The following FMN2 variants were observed in gnomAD, a reference collection of about 807,000 sequenced individuals.
FMN2 encodes formin-2.
A neutral mutation model predicts 142.3 loss-of-function variants in FMN2; 51 were observed. The observed-to-expected ratio is 0.36, with a 90% CI of 0.29 to 0.45. The LOEUF (loss-of-function observed/expected upper bound fraction) is 0.45, where lower values mean the gene tolerates loss of function less well. Among genes scored for constraint, FMN2 ranks in the 20% least tolerant of loss-of-function variants. FMN2 has a pLI of 1.00. For synonymous variants in FMN2, 882 were observed against 869.8 expected (o/e 1.01, Z -0.25); for missense variants, 1,936 against 2,122.8 (o/e 0.91, Z 1.73).
intron 2 of FMN2, among the ~76,000 whole-genome samples, chr1:240,175,769 T>A (rs906339436): frequency 6.6e-6 from 1 of 152,206 alleles, no homozygotes; most frequent in Non-Finnish European, 1.5e-5. Flanking sequence ...GGTGATTTCA[T>A]TGTGGTTTTG....
chr1:240,429,867 C>CT (rs1277767742), intron 15 of FMN2, among the ~76,000 whole-genome samples: 15 of 148,932 alleles, frequency 1.0e-4, no homozygotes, highest in African/African-American at 3.3e-4. Flanking sequence ...GTGAACATTC[C>CT]TTTTTTGTTT....
At chr1:240,399,505 C>T (rs919631990) in intron 15 of FMN2, among the ~76,000 whole-genome samples, 11 of 152,072 alleles carry the variant, frequency 7.2e-5, no homozygotes, top group Non-Finnish European at 1.3e-4. Flanking sequence ...TTATGGGAGC[C>T]GCTGCAGGAG....
intron 6 of FMN2, among the ~76,000 whole-genome samples, chr1:240,240,307 G>A (rs755921806): frequency 4.6e-5 from 7 of 152,128 alleles, no homozygotes; most frequent in African/African-American, 7.2e-5. Context: ...AATGTGGACC[G>A]TAGTGGTACC....
At chr1:240,325,163 G>A (rs1336447855) in intron 8 of FMN2, among the ~76,000 whole-genome samples, 4 of 151,974 alleles carry the variant, frequency 2.6e-5, no homozygotes, top group Non-Finnish European at 5.9e-5. Flanking sequence ...TTTGAGACCA[G>A]CCTGGGCAAC....
chr1:240,176,018 T>A (rs2103319840), intron 2 of FMN2, among the ~76,000 whole-genome samples: 1 of 152,274 alleles, frequency 6.6e-6, no homozygotes, highest in Admixed American at 6.5e-5. Flanking sequence ...TCACTCTGAT[T>A]GTGTCCTTTG....
At chr1:240,143,604 T>C in intron 2 of FMN2, 3 of 1,609,480 alleles carry the variant, frequency 1.9e-6, no homozygotes, top group Non-Finnish European at 2.6e-6. Flanking sequence ...CATCTACCAG[T>C]GTGTTGGCAA....
chr1:240,395,685 G>A (rs1328714906), intron 15 of FMN2, among the ~76,000 whole-genome samples: 1 of 152,186 alleles, frequency 6.6e-6, no homozygotes, highest in Non-Finnish European at 1.5e-5. Context: ...CTGAAGATGT[G>A]ACTGAGTTGC....
intron 16 of FMN2, among the ~76,000 whole-genome samples, chr1:240,447,019 C>A (rs1358860464): frequency 1.3e-5 from 2 of 152,150 alleles, no homozygotes; most frequent in Non-Finnish European, 2.9e-5. Context: ...AAAGACTATT[C>A]CTGAGAGATG....
Position 240,151,936 on chromosome 1 carries a change from T to C in FMN2, c.1783-25985T>C, listed in dbSNP as rs118175260. On this transcript the variant is annotated intron_variant, in intron 2 of 17. Coordinates refer to ENST00000319653, the MANE Select transcript of FMN2 (RefSeq NM_020066.5). Reference sequence around the variant, plus strand: ...TGTGCACCACCTAGCCAATCTAATTTTTTTTCTTTAAATAGAGATGGGGTT... The same window carrying C: ...TGTGCACCACCTAGCCAATCTAATTCTTTTTCTTTAAATAGAGATGGGGTT... Among the ~76,000 whole-genome samples, 108 of 152,140 alleles carry C rather than the reference T, an allele frequency of 7.1e-4. No homozygotes were observed. In the East Asian group the frequency reaches 0.014, roughly 19 times the overall value.
chr1:240,272,083 C>T (rs1669035819), intron 7 of FMN2, among the ~76,000 whole-genome samples: 1 of 152,064 alleles, frequency 6.6e-6, no homozygotes, highest in South Asian at 2.1e-4. Flanking sequence ...AATTGAGAAT[C>T]ATGTATTTGT....
chr1:240,355,694 C>T, intron 13 of FMN2, 122 bp from the exon 14 acceptor site: 2 of 572,464 alleles, frequency 3.5e-6, no homozygotes, highest in Non-Finnish European at 6.2e-6. Flanking sequence ...AAAATGTGTG[C>T]AGAACATATG....
Position 240,093,628 on chromosome 1 carries a change from G to A in FMN2, c.1519G>A (p.Val507Met). Reference sequence around the variant, plus strand: ...CTCCGCGCACCTGCTGGAGCGCGGGGTGGCGAGTGACAGCGGCGGTGGGGT... The same window carrying A: ...CTCCGCGCACCTGCTGGAGCGCGGGATGGCGAGTGACAGCGGCGGTGGGGT... ...GGSAHLLERG[V>M]ASDSGGGVSP... is the part of the protein sequence containing the mutation. Residue 507 changes from valine to methionine, a missense_variant, in exon 1 of 18, where the codon GTG becomes ATG. Coordinates refer to ENST00000319653, the MANE Select transcript of FMN2 (RefSeq NM_020066.5). 1.4e-6 allele frequency: 2 copies of A among 1,424,278 alleles called. No individual in the cohort carries two copies. Among genetic ancestry groups the A allele is most frequent in the Non-Finnish European group, 1.8e-6 (2 of 1,100,850 alleles). 88.2% of individuals were successfully genotyped at this position (1,424,278 alleles called of 1,614,324 possible).
chr1:240,098,539 G>A (rs1357802631), intron 1 of FMN2, among the ~76,000 whole-genome samples: 2 of 152,074 alleles, frequency 1.3e-5, no homozygotes, highest in Non-Finnish European at 2.9e-5. Flanking sequence ...AATGTCTGAC[G>A]AATGAAGGTC....
At chr1:240,232,693 G>A (rs1264752015) in intron 6 of FMN2, among the ~76,000 whole-genome samples, 1 of 152,114 alleles carries the variant, frequency 6.6e-6, no homozygotes, top group Non-Finnish European at 1.5e-5. Flanking sequence ...TTTGTTTTCA[G>A]TTTGCCCTCT....
chr1:240,154,107 CAAAA>C (rs3047182), intron 2 of FMN2, among the ~76,000 whole-genome samples: 578 of 55,316 alleles, frequency 0.01, 19 homozygotes, highest in African/African-American at 0.034. Flanking sequence ...GAGATTCCAT[CAAAA>C]AAAAAAAAAA....
At chr1:240,099,192 A>T (rs1476366321) in intron 1 of FMN2, among the ~76,000 whole-genome samples, 1 of 152,184 alleles carries the variant, frequency 6.6e-6, no homozygotes, top group Non-Finnish European at 1.5e-5. Flanking sequence ...TTATCTTAAA[A>T]AAAAAGTCAT....
At chr1:240,180,518 T>A (rs1009331244) in intron 3 of FMN2, among the ~76,000 whole-genome samples, 1 of 151,874 alleles carries the variant, frequency 6.6e-6, no homozygotes, top group African/African-American at 2.4e-5. Flanking sequence ...GTGCACATTC[T>A]TCTGTAGTGA....
chr1:240,223,285 G>A (rs567418267), intron 6 of FMN2, among the ~76,000 whole-genome samples: 5 of 152,224 alleles, frequency 3.3e-5, no homozygotes, highest in South Asian at 4.1e-4. Flanking sequence ...GATGGGTTAC[G>A]TTTTTGATTT....
intron 2 of FMN2, among the ~76,000 whole-genome samples, chr1:240,151,808 C>T (rs1347146307): frequency 6.6e-6 from 1 of 152,018 alleles, no homozygotes. Context: ...GCTCTGTTGT[C>T]CAGACTGGAG....
Sources: allele counts gnomAD v4.1 joint callset (sites outside exome capture counted in the v4.1 genomes callset), GRCh38; gene constraint gnomAD v4.1.1; transcripts MANE v1.5; gene names NCBI Gene and HGNC (gene_info 2026-07-23, HGNC 2026-07-21).